RTP5: variants seen among roughly 807,000 people sequenced by gnomAD.
RTP5 encodes receptor-transporting protein 5.
Under a neutral mutation model 23.5 loss-of-function variants are expected in RTP5, and 30 were observed. The ratio of observed to expected loss-of-function variants is 1.27; its 90% CI spans 0.95 to 1.73. The LOEUF (loss-of-function observed/expected upper bound fraction) is 1.73, where lower values mean the gene tolerates loss of function less well. RTP5 is among the 40% of genes most tolerant of loss of function. The pLI, the probability that RTP5 is intolerant of heterozygous loss-of-function variation, is 0.00. For synonymous variants in RTP5, 354 were observed against 342.1 expected (o/e 1.03, Z -0.38); for missense variants, 807 against 784.2 (o/e 1.03, Z -0.35).
chr2:241,870,116 C>G (rs557413385), intron 1 of RTP5, among the ~76,000 whole-genome samples: 1 of 152,192 alleles, frequency 6.6e-6, no homozygotes, highest in South Asian at 2.1e-4. Context: ...GCAGGGGTCC[C>G]GGGGAAGACA....
At position 241,872,491 on chromosome 2, in the gene RTP5, C is replaced by T; in HGVS notation, c.936C>T (p.Asn312=). Residue 312 remains asparagine (N), a synonymous_variant, in exon 2 of 2, where the codon AAC becomes AAT. Transcript: ENST00000343216. ...VAQGWGPISL[N]NGLVPVGKHT... ...AGGGCTGGGGCCCCATCTCCCTCAA[C>T]AATGGCCTCGTCCCTGTGGGGAAAC... 1 of 1,594,566 alleles carries T rather than the reference C, an allele frequency of 6.3e-7. No homozygotes were observed. The highest frequency in any genetic ancestry group is 8.5e-7 in the Non-Finnish European group (1 of 1,171,048).
chr2:241,873,387 C>G lies in RTP5; in HGVS notation c.*113C>G. ...GCCTCCGAGACCCCGCCTCCACCTC[C>G]GAGACCCCTTTCTCTGAGACCCCCG... On this transcript the variant is annotated 3_prime_UTR_variant, in exon 2 of 2. Coordinates refer to ENST00000343216, the MANE Select transcript of RTP5 (RefSeq NM_173821.3). The G allele has an allele frequency of 5.0e-6, 6 of 1,195,984 alleles. No individual in the cohort carries two copies. Among genetic ancestry groups the G allele is most frequent in the East Asian group, 5.2e-5 (2 of 38,552 alleles). 74.1% of individuals were successfully genotyped at this position (1,195,984 alleles called of 1,614,324 possible).
At position 241,873,226 on chromosome 2, in the gene RTP5, G is replaced by A. The variant is rs1204672930; in HGVS notation, c.1671G>A (p.Leu557=). ...WVSMTVCVFW[L]MCMCRLNPGI... Reference sequence around the variant, plus strand: ...CCATGACCGTGTGCGTCTTCTGGCTGATGTGCATGTGTCGGCTGAACCCCG... The same window carrying A: ...CCATGACCGTGTGCGTCTTCTGGCTAATGTGCATGTGTCGGCTGAACCCCG... The change falls in exon 2 of 2, where the codon CTG becomes CTA. Residue 557 remains leucine, a synonymous_variant. Coordinates refer to ENST00000343216, the MANE Select transcript of RTP5 (RefSeq NM_173821.3). 6.2e-7 allele frequency: 1 copy of A among 1,603,422 alleles called. No homozygotes were observed. The highest frequency in any genetic ancestry group is 2.2e-5 in the East Asian group (1 of 44,780).
At position 241,873,137 on chromosome 2, in the gene RTP5, C is replaced by A. The variant is rs376333222; in HGVS notation, c.1582C>A (p.Arg528Ser). 7 of 1,611,896 alleles carry A rather than the reference C, an allele frequency of 4.3e-6. No homozygotes were observed. The highest frequency in any genetic ancestry group is 2.2e-5 in the South Asian group (2 of 91,072). Reference sequence around the variant, plus strand: ...TGGGTGCCGCCGGGAGGAAGACGAGCGCCCTGGCCGTGCCTGCCGTAGGCC... The same window carrying A: ...TGGGTGCCGCCGGGAGGAAGACGAGAGCCCTGGCCGTGCCTGCCGTAGGCC... ...RCGCRREEDERPGRACRRPHA... is the reference protein window; with the variant it reads ...RCGCRREEDESPGRACRRPHA... The change falls in exon 2 of 2, where the codon CGC becomes AGC. Residue 528 changes from arginine (R) to serine (S), a missense_variant. Transcript: ENST00000343216.
At position 241,872,041 on chromosome 2, in the gene RTP5, G is replaced by A; in HGVS notation, c.486G>A (p.Trp162Ter). The A allele has an allele frequency of 1.3e-6, 2 of 1,564,316 alleles. No homozygotes were observed. Among genetic ancestry groups the A allele is most frequent in the Non-Finnish European group, 1.7e-6 (2 of 1,149,976 alleles). Residue 162 changes from tryptophan (W) to a stop codon, truncating the protein, a stop_gained, in exon 2 of 2, where the codon TGG becomes TGA. Transcript: ENST00000343216. LOFTEE classifies it high-confidence loss of function. ...TCCAGAAGGCCCCAGACCCCGCCTG[G>A]AGCGCCAACGCCACAAAAGGCAACT... ...CFLQKAPDPA[W>*]SANATKGNFP...
rs1422693205 is a variant in RTP5, at chr2:241,873,483, C to T, written c.*209C>T. ...GAGACCCCGCCTCACCTCTGAGACACCCCCCAACCCCACCTTTGAGATGCC... is the reference window on the plus strand; with the variant it reads ...GAGACCCCGCCTCACCTCTGAGACATCCCCCAACCCCACCTTTGAGATGCC... On this transcript the variant is annotated 3_prime_UTR_variant, in exon 2 of 2. Transcript: ENST00000343216. 2.1e-6 allele frequency: 1 copy of T among 473,172 alleles called. No individual in the cohort carries two copies. Among genetic ancestry groups the T allele is most frequent in the Non-Finnish European group, 3.5e-6 (1 of 283,192 alleles). The allele number at this position is 473,172 out of a possible 1,614,324, so 29.3% of individuals were successfully genotyped here.
rs756377131 is a variant in RTP5 at position 241,871,690 on chromosome 2, C to T, written c.159-24C>T. 67 of 1,572,966 alleles carry T rather than the reference C, an allele frequency of 4.3e-5. No homozygotes were observed. In the Middle Eastern group the frequency reaches 1.1e-3, roughly 25 times the overall value. On this transcript the variant is annotated intron_variant, in intron 1 of 1. Transcript: ENST00000343216. ...GTGGGGCCTCTTTCTCCTGCACTCA[C>T]ACACACTTCTTTCCCCGCCGCAGGC...
In RTP5 at chr2:241,869,846, T is replaced by C; in HGVS notation, c.90T>C (p.Pro30=). The C allele has an allele frequency of 1.3e-6, 2 of 1,588,126 alleles. No homozygotes were observed. Among genetic ancestry groups the C allele is most frequent in the Admixed American group, 1.8e-5 (1 of 56,498 alleles). ...CCCAGGACGTCTGGGTTCTGCTACCTGAGCACAGCCTGGTCCCGGGATGCC... is the reference window on the plus strand; with the variant it reads ...CCCAGGACGTCTGGGTTCTGCTACCCGAGCACAGCCTGGTCCCGGGATGCC... ...RKPQDVWVLL[P]EHSLVPGCLD... is the part of the protein sequence containing the mutation. Residue 30 remains proline (P), a synonymous_variant, in exon 1 of 2, where the codon CCT becomes CCC. Transcript: ENST00000343216.
rs2124890881 is a variant in RTP5, at chr2:241,873,290, G to A, written c.*16G>A. On this transcript the variant is annotated 3_prime_UTR_variant, in exon 2 of 2. Coordinates refer to ENST00000343216, the MANE Select transcript of RTP5 (RefSeq NM_173821.3). ...GCAAGTGTGACGCCCCGAAGTTCAGGCAACCCTCGCCTCTGGGACCCCGCC... is the reference window on the plus strand; with the variant it reads ...GCAAGTGTGACGCCCCGAAGTTCAGACAACCCTCGCCTCTGGGACCCCGCC... 1.3e-6 allele frequency: 2 copies of A among 1,556,608 alleles called. No homozygotes were observed. Among genetic ancestry groups the A allele is most frequent in the East Asian group, 2.3e-5 (1 of 44,300 alleles).
In RTP5 at chr2:241,872,705, G is replaced by C. The variant is rs1371624547; in HGVS notation, c.1150G>C (p.Val384Leu). The C allele has an allele frequency of 4.4e-6, 7 of 1,601,090 alleles. No homozygotes were observed. The East Asian group carries it at 1.1e-4, about 26-fold the overall frequency. ...TGATGTCAAGGATGCCGTTGCTGAG[G>C]TGGCTGAAGGCAACGGGAAGGAAGG... is the stretch of plus-strand genomic sequence containing the variant. ...FTDVKDAVAE[V>L]AEGNGKEGGG... The change falls in exon 2 of 2, where the codon GTG becomes CTG. Residue 384 changes from valine (V) to leucine (L), a missense_variant. Transcript: ENST00000343216.
rs746155081 is a variant in RTP5, at chr2:241,872,691, A to G, written c.1136A>G (p.Asp379Gly). The change falls in exon 2 of 2, where the codon GAT (aspartate) becomes GGT (glycine). Residue 379 changes from aspartate to glycine, a missense_variant. By Grantham distance (94) the Asp-to-Gly change is moderately conservative. Coordinates refer to ENST00000343216, the MANE Select transcript of RTP5 (RefSeq NM_173821.3). ...TFPFIFTDVK[D>G]AVAEVAEGNG... ...CCCTTCATCTTTACTGATGTCAAGG[A>G]TGCCGTTGCTGAGGTGGCTGAAGGC... is the stretch of plus-strand genomic sequence containing the variant. The G allele has an allele frequency of 3.1e-6, 5 of 1,602,942 alleles. No individual in the cohort carries two copies. Among genetic ancestry groups the G allele is most frequent in the South Asian group, 2.2e-5 (2 of 89,874 alleles).
chr2:241,870,019 C>T, intron 1 of RTP5, 105 bp downstream of exon 1: 4 of 903,338 alleles, frequency 4.4e-6, no homozygotes, highest in African/African-American at 1.8e-5. Flanking sequence ...TGGGCCTCGT[C>T]TTGTCCCCGA....
chr2:241,872,922 C>T lies in RTP5; in HGVS notation c.1367C>T (p.Pro456Leu), dbSNP rs371789452. The T allele has an allele frequency of 2.5e-6, 4 of 1,612,916 alleles. No individual in the cohort carries two copies. In the African/African-American group the frequency reaches 4.0e-5, roughly 16 times the overall value. The part of the protein sequence containing the change: ...GGLVTAGHDA[P>L]LEANAEGPIT... ...CTGGTCACCGCGGGTCACGACGCCC[C>T]TCTGGAGGCCAATGCCGAGGGCCCC... The change falls in exon 2 of 2, where the codon CCT becomes CTT. Residue 456 changes from proline to leucine, a missense_variant. By Grantham distance (98) the Pro-to-Leu change is moderately conservative. Transcript: ENST00000343216.
Position 241,871,818 on chromosome 2 carries a change from G to T in RTP5, c.263G>T (p.Arg88Leu). ...RASHRGLVKM[R>L]IWGQRCRLCP... The stretch of plus-strand genomic sequence containing the variant: ...AGCCACCGGGGGCTGGTGAAGATGC[G>T]CATCTGGGGCCAGCGGTGCAGGCTG... The change falls in exon 2 of 2, where the codon CGC (arginine) becomes CTC (leucine). Residue 88 changes from arginine to leucine, a missense_variant. Coordinates refer to ENST00000343216, the MANE Select transcript of RTP5 (RefSeq NM_173821.3). The T allele has an allele frequency of 6.4e-7, 1 of 1,564,466 alleles. No homozygotes were observed. Among genetic ancestry groups the T allele is most frequent in the Non-Finnish European group, 8.7e-7 (1 of 1,155,700 alleles).
chr2:241,872,265 AG>A lies in RTP5; in HGVS notation c.712del (p.Ala238ProfsTer245), dbSNP rs1701336585. 1 of 1,600,950 alleles carries A rather than the reference AG, an allele frequency of 6.2e-7. No homozygotes were observed. The highest frequency in any genetic ancestry group is 8.5e-7 in the Non-Finnish European group (1 of 1,172,680). On this transcript the variant is annotated frameshift_variant, in exon 2 of 2. Transcript: ENST00000343216. LOFTEE classifies it high-confidence loss of function. ...GASLPVTGSC[E>X]ALVIGQGSIF... ...TCTCTCCCTGTGACTGGCAGCTGTGAGGCCCTGGTCATCGGCCAGGGCTCCA... is the reference window on the plus strand; with the variant it reads ...TCTCTCCCTGTGACTGGCAGCTGTGAGCCCTGGTCATCGGCCAGGGCTCCA...
At chr2:241,870,906 A>G in intron 1 of RTP5, 2 of 470,404 alleles carry the variant, frequency 4.3e-6, no homozygotes, top group Non-Finnish European at 8.8e-6. Flanking sequence ...TGGAGGCTGC[A>G]GGCAGGGCAG....
Position 241,872,162 on chromosome 2 carries a change from G to A in RTP5, c.607G>A (p.Ala203Thr), listed in dbSNP as rs748466471. 9.3e-6 allele frequency: 15 copies of A among 1,611,846 alleles called. No homozygotes were observed. The highest frequency in any genetic ancestry group is 6.7e-5 in the Admixed American group (4 of 59,970). The change falls in exon 2 of 2, where the codon GCC becomes ACC. Residue 203 changes from alanine (A) to threonine (T), a missense_variant. Coordinates refer to ENST00000343216, the MANE Select transcript of RTP5 (RefSeq NM_173821.3). Reference protein sequence around the residue: ...DDLGKGGVVIAIPFSLVGTSN... With the variant: ...DDLGKGGVVITIPFSLVGTSN... ...CCTTGGCAAGGGTGGCGTTGTCATC[G>A]CCATCCCCTTCTCCCTTGTGGGTAC...
Position 241,872,419 on chromosome 2 carries a change from C to A in RTP5, c.864C>A (p.Phe288Leu). The A allele has an allele frequency of 6.2e-7, 1 of 1,611,934 alleles. No homozygotes were observed. Among genetic ancestry groups the A allele is most frequent in the Non-Finnish European group, 8.5e-7 (1 of 1,179,690 alleles). Reference sequence around the variant, plus strand: ...TCCAGACCTTCGAGCTCAAGGGCTTCCTCTTCAAAGGCCGGGGCTCCCTCT... The same window carrying A: ...TCCAGACCTTCGAGCTCAAGGGCTTACTCTTCAAAGGCCGGGGCTCCCTCT... ...SSIQTFELKG[F>L]LFKGRGSLCS... The change falls in exon 2 of 2, where the codon TTC becomes TTA. Residue 288 changes from phenylalanine to leucine, a missense_variant. By Grantham distance (22) the Phe-to-Leu change is conservative (BLOSUM62 0). Coordinates refer to ENST00000343216, the MANE Select transcript of RTP5 (RefSeq NM_173821.3).
At position 241,872,188 on chromosome 2, in the gene RTP5, C is replaced by T. The variant is rs1045421681; in HGVS notation, c.633C>T (p.Thr211=). 1.2e-5 allele frequency: 19 copies of T among 1,612,216 alleles called. No individual in the cohort carries two copies. Among genetic ancestry groups the T allele is most frequent in the African/African-American group, 2.7e-5 (2 of 74,924 alleles). ...CCATCCCCTTCTCCCTTGTGGGTAC[C>T]AGCAATGACCAGGTGCCCATCGCTG... The part of the protein sequence containing the change: ...VIAIPFSLVG[T]SNDQVPIAEG... Residue 211 remains threonine (T), a synonymous_variant, in exon 2 of 2, where the codon ACC becomes ACT. Transcript: ENST00000343216.
Sources: allele counts gnomAD v4.1 joint callset (sites outside exome capture counted in the v4.1 genomes callset), GRCh38; gene constraint gnomAD v4.1.1; transcripts MANE v1.5; gene names NCBI Gene and HGNC (gene_info 2026-07-23, HGNC 2026-07-21).